SLC9B1: variants seen among roughly 807,000 people sequenced by gnomAD.
SLC9B1 encodes the protein solute carrier family 9 member B1.
Under a neutral mutation model 51.7 loss-of-function variants are expected in SLC9B1, and 32 were observed. That is an observed-to-expected ratio of 0.62 (90% CI 0.47 to 0.83). The LOEUF is 0.83. SLC9B1 is among the 40% of genes least tolerant of loss of function. The probability of loss-of-function intolerance (pLI) is 0.00; values close to 1 mark genes in which losing one functional copy is unlikely to be tolerated. For synonymous variants in SLC9B1, 145 were observed against 212.7 expected (o/e 0.68, Z 2.77); for missense variants, 406 against 613.2 (o/e 0.66, Z 3.57).
intron 1 of SLC9B1, among the ~76,000 whole-genome samples, chr4:103,004,734 C>T (rs1740694781): frequency 6.6e-6 from 1 of 152,264 alleles, no homozygotes; most frequent in East Asian, 1.9e-4. Context: ...AAGAGTGGAC[C>T]TTTCAGCAGA....
chr4:102,947,973 G>GTGGTTATAGCGGTGATGC (rs1737350569), intron 4 of SLC9B1, among the ~76,000 whole-genome samples: 1 of 152,152 alleles, frequency 6.6e-6, no homozygotes, highest in Non-Finnish European at 1.5e-5. Flanking sequence ...ATGAGTGATG[G>GTGGTTATAGCGGTGATGC]TGGTTATAGC....
chr4:102,974,108 G>A (rs902702036), intron 3 of SLC9B1, among the ~76,000 whole-genome samples: 1 of 151,714 alleles, frequency 6.6e-6, no homozygotes, highest in African/African-American at 2.4e-5. Context: ...GTGGTGGCAG[G>A]TGCCTATAAT....
chr4:102,892,437 T>C (rs6823625), intron 11 of SLC9B1: 87,448 of 152,032 alleles, frequency 0.58, 26,452 homozygotes, highest in African/African-American at 0.78. Flanking sequence ...GTGTACAGCT[T>C]ATATTATTAG....
At chr4:103,000,319 G>T (rs78820097) in intron 1 of SLC9B1, among the ~76,000 whole-genome samples, 199 of 152,198 alleles carry the variant, frequency 1.3e-3, no homozygotes, top group African/African-American at 4.3e-3. Context: ...TAACTCAAAA[G>T]TACAAGTCCA....
At chr4:102,932,071 A>G (rs1449313561) in intron 7 of SLC9B1, 53 bp downstream of exon 7, 21 of 1,549,808 alleles carry the variant, frequency 1.4e-5, no homozygotes, top group Non-Finnish European at 1.9e-5. Flanking sequence ...TGTTTAAAGA[A>G]GTAACAAAAA....
intron 1 of SLC9B1, among the ~76,000 whole-genome samples, chr4:103,001,942 T>C (rs1011744061): frequency 3.9e-5 from 6 of 152,166 alleles, no homozygotes; most frequent in African/African-American, 1.4e-4. Flanking sequence ...CTTACAATCA[T>C]GGTGGAAGGC....
intron 1 of SLC9B1, among the ~76,000 whole-genome samples, chr4:103,018,610 T>G (rs925065480): frequency 2.6e-5 from 4 of 152,128 alleles, no homozygotes; most frequent in Admixed American, 6.5e-5. Context: ...CCTGGGCCAG[T>G]TGTCTCCCCA....
chr4:102,918,068 CAAA>C (rs1196562612), intron 7 of SLC9B1, among the ~76,000 whole-genome samples: 2 of 17,758 alleles, frequency 1.1e-4, no homozygotes, highest in East Asian at 1.5e-3. Context: ...AACTCCATCT[CAAA>C]AAAAAAAAAA....
At chr4:102,969,438 C>T (rs989866979) in intron 3 of SLC9B1, among the ~76,000 whole-genome samples, 1 of 152,180 alleles carries the variant, frequency 6.6e-6, no homozygotes, top group Non-Finnish European at 1.5e-5. Flanking sequence ...CAGAAAGGAA[C>T]AGCATCAACA....
chr4:102,966,296 T>A (rs544214852), intron 3 of SLC9B1, among the ~76,000 whole-genome samples: 41 of 152,322 alleles, frequency 2.7e-4, no homozygotes, highest in Admixed American at 5.9e-4. Flanking sequence ...GAGCTCCCAG[T>A]CTTTTCAGTA....
chr4:102,974,241 T>TAAAAAAAAA (rs1560962155), intron 3 of SLC9B1, among the ~76,000 whole-genome samples: 3 of 16,754 alleles, frequency 1.8e-4, no homozygotes, highest in Admixed American at 8.2e-4. Flanking sequence ...TGTCTAAAAT[T>TAAAAAAAAA]GAAAAAAAAA....
chr4:102,893,837 G>C (rs1187561130), intron 11 of SLC9B1, among the ~76,000 whole-genome samples: 1 of 152,130 alleles, frequency 6.6e-6, no homozygotes, highest in African/African-American at 2.4e-5. Flanking sequence ...AGAGGTTGCA[G>C]TGAGCCGAGA....
At chr4:102,943,012 G>A (rs951886413) in intron 6 of SLC9B1, among the ~76,000 whole-genome samples, 4 of 152,006 alleles carry the variant, frequency 2.6e-5, no homozygotes. Context: ...CAAAAAGTGT[G>A]CTAAGGACAT....
intron 11 of SLC9B1, chr4:102,889,916 A>G (rs1578320595): frequency 6.6e-6 from 1 of 152,210 alleles, no homozygotes; most frequent in Non-Finnish European, 1.5e-5. Flanking sequence ...GAAAAAAAAA[A>G]GTAACTTGGC....
chr4:102,938,645 T>G (rs113671249), intron 6 of SLC9B1, among the ~76,000 whole-genome samples: 1 of 152,060 alleles, frequency 6.6e-6, no homozygotes, highest in African/African-American at 2.4e-5. Flanking sequence ...TCAATAAATT[T>G]AAGAAAACCC....
chr4:103,019,165 G>T (rs975344697), intron 1 of SLC9B1, among the ~76,000 whole-genome samples: 1 of 152,144 alleles, frequency 6.6e-6, no homozygotes, highest in African/African-American at 2.4e-5. Flanking sequence ...GTGGGTGGGT[G>T]GGGGAAGAGA....
intron 11 of SLC9B1, among the ~76,000 whole-genome samples, chr4:102,886,699 T>TCC (rs1255125805): frequency 1.3e-5 from 2 of 152,072 alleles, no homozygotes; most frequent in Non-Finnish European, 2.9e-5. Flanking sequence ...CACTGCAACC[T>TCC]CCACCTCCTG....
At chr4:102,951,053 A>G (rs1737529497) in intron 3 of SLC9B1, among the ~76,000 whole-genome samples, 1 of 152,142 alleles carries the variant, frequency 6.6e-6, no homozygotes, top group South Asian at 2.1e-4. Context: ...GGACAAGAAA[A>G]TGTCATCCTA....
intron 11 of SLC9B1, among the ~76,000 whole-genome samples, chr4:102,902,861 C>T (rs764411035): frequency 3.3e-5 from 5 of 152,030 alleles, no homozygotes; most frequent in South Asian, 2.1e-4. Flanking sequence ...ATCAGTAACT[C>T]GAAACTGAAG....
Sources: gnomAD v4.1 joint callset for allele counts (sites outside exome capture counted in the v4.1 genomes callset) on GRCh38, gnomAD v4.1.1 for gene constraint, MANE v1.5 for transcripts, NCBI Gene and HGNC (gene_info 2026-07-23, HGNC 2026-07-21) for gene names.